The following DSCAM variants were observed in gnomAD, a reference collection of about 807,000 sequenced individuals.
DSCAM encodes cell adhesion molecule DSCAM.
Under a neutral mutation model 217.7 loss-of-function variants are expected in DSCAM, and 47 were observed. The observed-to-expected ratio is 0.22, with a 90% CI of 0.17 to 0.28. The LOEUF is 0.28. Ranked by LOEUF, DSCAM falls within the 10% of genes least tolerant of loss-of-function variation. The pLI is 1.00. For missense variants in DSCAM, 2,080 were observed against 2,618.3 expected (o/e 0.79, Z 4.49); for synonymous variants, 1,056 against 1,015.3 (o/e 1.04, Z -0.76).
chr21:40,763,779 G>T (rs890776587), intron 1 of DSCAM, among the ~76,000 whole-genome samples: 11 of 152,156 alleles, frequency 7.2e-5, no homozygotes, highest in African/African-American at 2.7e-4. Context: ...AGAGGCCTCA[G>T]AAATAACAGC....
chr21:40,661,448 A>G, intron 3 of DSCAM, among the ~76,000 whole-genome samples: 1 of 152,334 alleles, frequency 6.6e-6, no homozygotes, highest in Admixed American at 6.5e-5. Flanking sequence ...CAATTATTCG[A>G]CAACAAAAAT....
At chr21:40,608,645 C>A (rs1249558587) in intron 3 of DSCAM, among the ~76,000 whole-genome samples, 2 of 152,162 alleles carry the variant, frequency 1.3e-5, no homozygotes, top group Non-Finnish European at 2.9e-5. Context: ...TATTGACCAT[C>A]AAAGCCCATA....
intron 3 of DSCAM, among the ~76,000 whole-genome samples, chr21:40,536,390 C>G (rs2146121260): frequency 6.6e-6 from 1 of 151,118 alleles, no homozygotes; most frequent in South Asian, 2.1e-4. Context: ...CCAAAGCTGA[C>G]CGGTAGAGTC....
intron 11 of DSCAM, among the ~76,000 whole-genome samples, chr21:40,194,966 T>C (rs1025424574): frequency 2.0e-5 from 3 of 152,180 alleles, no homozygotes; most frequent in Admixed American, 2.0e-4. Context: ...CTTAGGAGAG[T>C]GTTTCACTAT....
At chr21:40,075,670 A>C (rs2089356610) in intron 26 of DSCAM, among the ~76,000 whole-genome samples, 1 of 152,222 alleles carries the variant, frequency 6.6e-6, no homozygotes, top group African/African-American at 2.4e-5. Flanking sequence ...ACTGGCATAA[A>C]GAAACTCAAA....
intron 3 of DSCAM, among the ~76,000 whole-genome samples, chr21:40,441,806 C>A (rs970092870): frequency 2.6e-5 from 4 of 152,142 alleles, no homozygotes; most frequent in African/African-American, 9.7e-5. Flanking sequence ...CTGACCAATG[C>A]CCTCTGCTCA....
chr21:40,400,325 T>C (rs561703923), intron 3 of DSCAM, among the ~76,000 whole-genome samples: 22 of 152,308 alleles, frequency 1.4e-4, no homozygotes, highest in African/African-American at 5.0e-4. Context: ...AACAAAAAAA[T>C]AGCTAGAAGA....
At chr21:40,170,879 G>A (rs900930164) in intron 15 of DSCAM, among the ~76,000 whole-genome samples, 10 of 152,162 alleles carry the variant, frequency 6.6e-5, no homozygotes, top group African/African-American at 2.2e-4. Context: ...GCTCCCTGGG[G>A]CATGGCCTTT....
intron 11 of DSCAM, among the ~76,000 whole-genome samples, chr21:40,241,902 A>T (rs2073158080): frequency 6.6e-6 from 1 of 152,222 alleles, no homozygotes; most frequent in African/African-American, 2.4e-5. Flanking sequence ...AAGAACAGAA[A>T]ACCACATGCC....
chr21:40,443,007 A>G (rs1376891598), intron 3 of DSCAM, among the ~76,000 whole-genome samples: 2 of 152,230 alleles, frequency 1.3e-5, no homozygotes, highest in East Asian at 3.9e-4. Flanking sequence ...GTTATAAAGT[A>G]TTAGATGATA....
At chr21:40,460,085 C>T (rs2075794192) in intron 3 of DSCAM, among the ~76,000 whole-genome samples, 2 of 152,258 alleles carry the variant, frequency 1.3e-5, no homozygotes, top group South Asian at 4.1e-4. Flanking sequence ...AATGAGAACA[C>T]ATGGACACAA....
chr21:40,268,847 G>A (rs142969376), intron 11 of DSCAM, among the ~76,000 whole-genome samples: 235 of 152,112 alleles, frequency 1.5e-3, no homozygotes, highest in African/African-American at 5.2e-3. Context: ...CCAGCTACTC[G>A]GGAAGCTGAG....
intron 1 of DSCAM, among the ~76,000 whole-genome samples, chr21:40,782,433 A>G (rs2091555180): frequency 6.6e-6 from 1 of 152,176 alleles, no homozygotes; most frequent in Non-Finnish European, 1.5e-5. Flanking sequence ...TGTGAGTTTT[A>G]AAATTACCTC....
chr21:40,682,633 G>A (rs1601846044), intron 3 of DSCAM, among the ~76,000 whole-genome samples: 1 of 131,882 alleles, frequency 7.6e-6, no homozygotes, highest in Non-Finnish European at 1.6e-5. Context: ...GAAAGAGAGA[G>A]AAAGAAAGAG....
At chr21:40,593,321 T>TC (rs2076997552) in intron 3 of DSCAM, among the ~76,000 whole-genome samples, 1 of 16,616 alleles carries the variant, frequency 6.0e-5, no homozygotes, top group South Asian at 1.0e-3. Flanking sequence ...GATGTTTCTC[T>TC]TTTTTTTTTT....
chr21:40,133,968 G>C lies in DSCAM; in HGVS notation c.3448C>G (p.Leu1150Val). The change falls in exon 19 of 33, where the codon CTG becomes GTG. Residue 1150 changes from leucine to valine, a missense_variant. This residue lies in a region of DSCAM where 1,144 missense variants were observed against 1,421.1 expected (regional missense o/e 0.81). Transcript: ENST00000400454. Reference sequence around the variant, plus strand: ...TACTTTTCCAGCCCGTCCAGCTCCAGTGAAGGCTGTGTGGTGGTGATGTTT... The same window carrying C: ...TACTTTTCCAGCCCGTCCAGCTCCACTGAAGGCTGTGTGGTGGTGATGTTT... Reference protein sequence around the residue: ...IKNITTTQPSLELDGLEKYTN... With the variant: ...IKNITTTQPSVELDGLEKYTN... 1 of 1,613,426 alleles carries C rather than the reference G, an allele frequency of 6.2e-7. No individual in the cohort carries two copies. The highest frequency in any genetic ancestry group is 8.5e-7 in the Non-Finnish European group (1 of 1,179,696).
At chr21:40,696,060 G>C (rs116923069) in intron 2 of DSCAM, among the ~76,000 whole-genome samples, 147 of 151,656 alleles carry the variant, frequency 9.7e-4, no homozygotes, top group Non-Finnish European at 1.8e-3. Flanking sequence ...ACAGACACTG[G>C]GCTAGAAACC....
At chr21:40,575,413 T>C (rs1267042785) in intron 3 of DSCAM, among the ~76,000 whole-genome samples, 1 of 151,976 alleles carries the variant, frequency 6.6e-6, no homozygotes, top group Non-Finnish European at 1.5e-5. Flanking sequence ...GAATGAAACA[T>C]ATATAATTAA....
In DSCAM at chr21:40,841,659, T is replaced by A. The variant is rs191460031; in HGVS notation, c.43+4960A>T. Among the ~76,000 whole-genome samples, 934 of 152,184 alleles carry A rather than the reference T, an allele frequency of 6.1e-3. 6 individuals carry two copies. Among genetic ancestry groups the A allele is most frequent in the Non-Finnish European group, 8.0e-3 (542 of 67,996 alleles). The stretch of plus-strand genomic sequence containing the variant: ...CACGTCAGCATCACCCCTGTCACCA[T>A]CAGCAGGAGAAGCGGCGGCTCCTGG... On this transcript the variant is annotated intron_variant, in intron 1 of 32. Transcript: ENST00000400454.
Sources: allele counts gnomAD v4.1 joint callset (sites outside exome capture counted in the v4.1 genomes callset), GRCh38; gene constraint gnomAD v4.1.1; regional missense constraint gnomAD v4.1.1; transcripts MANE v1.5; gene names NCBI Gene and HGNC (gene_info 2026-07-23, HGNC 2026-07-21).